MYT1L: variants seen among roughly 807,000 people sequenced by gnomAD.
MYT1L encodes myelin transcription factor 1-like protein.
A neutral mutation model predicts 126.7 loss-of-function variants in MYT1L; 12 were observed. That is an observed-to-expected ratio of 0.09 (90% CI 0.06 to 0.15). The LOEUF is 0.15. Among genes scored for constraint, MYT1L ranks in the 10% least tolerant of loss-of-function variants. MYT1L has a pLI of 1.00. For missense variants in MYT1L, 979 were observed against 1,585.2 expected, an observed-to-expected ratio of 0.62 and a Z score of 6.49; for synonymous variants, 541 against 604.2, an observed-to-expected ratio of 0.90 and a Z score of 1.53.
chr2:1,841,885 C>T lies in MYT1L; in HGVS notation c.2775-1042G>A, dbSNP rs375497141. On this transcript the variant is annotated intron_variant, in intron 19 of 24. Coordinates refer to ENST00000647738, the MANE Select transcript of MYT1L (RefSeq NM_001303052.2). ...TGCAGACGGGAGAGTGGGAGCTGGA[C>T]ACGCCTATTTTATTTAATTTTCAAC... 4 of 152,248 alleles carry T rather than the reference C, an allele frequency of 2.6e-5. No homozygotes were observed. The East Asian group carries it at 7.8e-4, about 30-fold the overall frequency. 9.4% of individuals were successfully genotyped at this position (152,248 alleles called of 1,614,324 possible). A position where few individuals can be genotyped will look rare whatever the true frequency, so the allele number is the denominator to read the frequency against.
chr2:2,299,454 A>G (rs1015408039), intron 1 of MYT1L, among the ~76,000 whole-genome samples: 1 of 152,208 alleles, frequency 6.6e-6, no homozygotes, highest in African/African-American at 2.4e-5. Flanking sequence ...GTGATTTGGA[A>G]GCCTGAGTGT....
chr2:2,168,147 T>G (rs2089466771), intron 3 of MYT1L, among the ~76,000 whole-genome samples: 1 of 152,082 alleles, frequency 6.6e-6, no homozygotes, highest in Admixed American at 6.5e-5. Context: ...ATGAGGCACA[T>G]GTAGATCTAT....
intron 18 of MYT1L, among the ~76,000 whole-genome samples, chr2:1,866,696 GGAGAGGGAGGGAGAGAGAGAGGCA>G (rs1376445658): frequency 1.3e-5 from 1 of 77,130 alleles, no homozygotes; most frequent in Non-Finnish European, 2.5e-5. Flanking sequence ...AGAGAGAGAG[GGAGAGGGAGGGAGAGAGAGAGGCA>G]GAGAGGGAGG....
At chr2:2,271,683 T>G (rs1426101111) in intron 2 of MYT1L, among the ~76,000 whole-genome samples, 1 of 152,154 alleles carries the variant, frequency 6.6e-6, no homozygotes, top group Non-Finnish European at 1.5e-5. Context: ...CCAGAAAGTT[T>G]GGTTTCTAGC....
chr2:1,904,315 T>C (rs889985753), intron 13 of MYT1L, among the ~76,000 whole-genome samples: 4 of 152,140 alleles, frequency 2.6e-5, no homozygotes, highest in African/African-American at 9.7e-5. Flanking sequence ...CTTCATGGAT[T>C]GGACACTGAA....
chr2:2,136,885 G>C (rs980301265), intron 3 of MYT1L, among the ~76,000 whole-genome samples: 1 of 152,214 alleles, frequency 6.6e-6, no homozygotes, highest in African/African-American at 2.4e-5. Context: ...ATCAGGAAAA[G>C]AGGAAGTCAA....
intron 1 of MYT1L, among the ~76,000 whole-genome samples, chr2:2,284,766 C>T (rs888016230): frequency 4.3e-5 from 6 of 139,594 alleles, no homozygotes; most frequent in African/African-American, 7.6e-5. Flanking sequence ...AGTGCAGTGG[C>T]GGGATCTTGG....
chr2:1,951,421 C>A (rs1051231298), intron 8 of MYT1L, among the ~76,000 whole-genome samples: 3 of 152,076 alleles, frequency 2.0e-5, no homozygotes, highest in African/African-American at 7.2e-5. Flanking sequence ...AACCCACAGA[C>A]CCTCAGTCAT....
chr2:2,005,992 G>GTTCTTTCCTGCATGCA (rs1315675221), intron 4 of MYT1L, among the ~76,000 whole-genome samples: 3 of 144,756 alleles, frequency 2.1e-5, no homozygotes, highest in African/African-American at 5.3e-5. Flanking sequence ...TCCTGCATGC[G>GTTCTTTCCTGCATGCA]TTCTTTCCTG....
chr2:2,264,515 A>C (rs528058475), intron 2 of MYT1L, among the ~76,000 whole-genome samples: 1 of 152,308 alleles, frequency 6.6e-6, no homozygotes, highest in Admixed American at 6.5e-5. Context: ...CACACAACCT[A>C]ATAATCTTAA....
chr2:2,228,517 A>G lies in MYT1L; in HGVS notation c.-420-55529T>C, dbSNP rs1004921164. On this transcript the variant is annotated intron_variant, in intron 2 of 24. Coordinates refer to ENST00000647738, the MANE Select transcript of MYT1L (RefSeq NM_001303052.2). This position sits in a 1 kb window ranked among gnomAD's most constrained non-coding sequence, Gnocchi z 5.9. Reference sequence around the variant, plus strand: ...CAAATTGAACTTTAGAACTGGAAGAAAGTTTAGAATTTTTTTGCCAATCTT... The same window carrying G: ...CAAATTGAACTTTAGAACTGGAAGAGAGTTTAGAATTTTTTTGCCAATCTT... Among the ~76,000 whole-genome samples, 1 of 152,216 alleles carries G rather than the reference A, an allele frequency of 6.6e-6. No individual in the cohort carries two copies. The highest frequency in any genetic ancestry group is 1.9e-4 in the East Asian group (1 of 5,194).
intron 2 of MYT1L, among the ~76,000 whole-genome samples, chr2:2,200,303 A>T (rs1436390998): frequency 6.6e-6 from 1 of 152,158 alleles, no homozygotes; most frequent in East Asian, 1.9e-4. Context: ...AATGGCACAC[A>T]ATTACTAGGT....
At chr2:1,891,689 C>A (rs974453970) in intron 15 of MYT1L, among the ~76,000 whole-genome samples, 1 of 152,170 alleles carries the variant, frequency 6.6e-6, no homozygotes, top group African/African-American at 2.4e-5. Context: ...ACCCACGCTT[C>A]GTTTTGCATG....
chr2:1,955,197 A>G (rs1367604159), intron 8 of MYT1L, among the ~76,000 whole-genome samples: 2 of 149,506 alleles, frequency 1.3e-5, no homozygotes, highest in African/African-American at 2.6e-5. Flanking sequence ...GGGAAAAGTT[A>G]TAAGAAAATG....
intron 1 of MYT1L, among the ~76,000 whole-genome samples, chr2:2,309,757 T>C (rs1211399777): frequency 6.6e-6 from 1 of 152,012 alleles, no homozygotes; most frequent in African/African-American, 2.4e-5. Flanking sequence ...AACTTCAGTA[T>C]GCTCTGTCTA....
chr2:1,908,885 G>A (rs1215603103), intron 13 of MYT1L, among the ~76,000 whole-genome samples: 1 of 152,200 alleles, frequency 6.6e-6, no homozygotes, highest in Non-Finnish European at 1.5e-5. Flanking sequence ...ACAATTTATT[G>A]AGGAGTTATC....
chr2:2,043,336 A>G (rs1274093622), intron 4 of MYT1L, among the ~76,000 whole-genome samples: 2 of 152,004 alleles, frequency 1.3e-5, no homozygotes, highest in East Asian at 3.9e-4. Context: ...TTAACAGTAA[A>G]TTACAATGGG....
chr2:1,979,280 G>A lies in MYT1L; in HGVS notation c.90-53C>T. 1 of 1,520,278 alleles carries A rather than the reference G, an allele frequency of 6.6e-7. No homozygotes were observed. Among genetic ancestry groups the A allele is most frequent in the Admixed American group, 1.7e-5 (1 of 58,054 alleles). The allele number at this position is 1,520,278 out of a possible 1,614,324, so 94.2% of individuals were successfully genotyped here. A position where few individuals can be genotyped will look rare whatever the true frequency, so the allele number is the denominator to read the frequency against. ...GTGCCGCAGGCAGGCAGGTGAGACGGAAAGCTTCCGTGGCAGCAGAGAGAA... is the reference window on the plus strand; with the variant it reads ...GTGCCGCAGGCAGGCAGGTGAGACGAAAAGCTTCCGTGGCAGCAGAGAGAA... On this transcript the variant is annotated intron_variant, in intron 7 of 24. Transcript: ENST00000647738. This position sits in a 1 kb window ranked among gnomAD's most constrained non-coding sequence, Gnocchi z 4.0.
intron 2 of MYT1L, among the ~76,000 whole-genome samples, chr2:2,219,664 T>G (rs541260777): frequency 6.6e-6 from 1 of 152,364 alleles, no homozygotes; most frequent in East Asian, 1.9e-4. Context: ...CCTTCCCTTG[T>G]TCTCCTCTGC....
Sources: allele counts gnomAD v4.1 joint callset (sites outside exome capture counted in the v4.1 genomes callset), GRCh38; gene constraint gnomAD v4.1.1; non-coding constraint Gnocchi (gnomAD v3.1); transcripts MANE v1.5; gene names NCBI Gene and HGNC (gene_info 2026-07-23, HGNC 2026-07-21).